Variants in DPP6 observed in about 807,000 individuals in gnomAD.
DPP6 encodes the protein A-type potassium channel modulatory protein DPP6.
A neutral mutation model predicts 122.6 loss-of-function variants in DPP6; 69 were observed. That is an observed-to-expected ratio of 0.56 (90% confidence interval 0.46 to 0.69). DPP6 has a LOEUF of 0.69. Ranked by LOEUF, DPP6 falls within the 30% of genes least tolerant of loss-of-function variation. DPP6 has a pLI of 0.00. For synonymous variants in DPP6, 418 were observed against 433.1 expected, an observed-to-expected ratio of 0.97 and a Z score of 0.43; for missense variants, 928 against 1,116.9, an observed-to-expected ratio of 0.83 and a Z score of 2.41.
intron 1 of DPP6, among the ~76,000 whole-genome samples, chr7:154,206,805 G>A (rs2150798539): frequency 6.6e-6 from 1 of 152,308 alleles, no homozygotes; most frequent in African/African-American, 2.4e-5. Flanking sequence ...AGATGACATG[G>A]AATTGTTCAC....
intron 1 of DPP6, among the ~76,000 whole-genome samples, chr7:154,031,704 G>T (rs919819833): frequency 6.6e-6 from 1 of 151,966 alleles, no homozygotes; most frequent in African/African-American, 2.4e-5. Context: ...CTAAAGGAAC[G>T]AGCTTTAGAG....
At chr7:154,232,836 A>G (rs1800993921) in intron 1 of DPP6, among the ~76,000 whole-genome samples, 1 of 152,208 alleles carries the variant, frequency 6.6e-6, no homozygotes, top group South Asian at 2.1e-4. Context: ...TCAGCAGAAA[A>G]CAGCTGAGAT....
chr7:154,149,099 C>T (rs570255841), intron 1 of DPP6, among the ~76,000 whole-genome samples: 7 of 152,322 alleles, frequency 4.6e-5, no homozygotes, highest in South Asian at 2.1e-4. Context: ...TTCATCCCTC[C>T]GATGGCCATT....
intron 3 of DPP6, among the ~76,000 whole-genome samples, chr7:154,476,717 C>A (rs1221246711): frequency 6.6e-6 from 1 of 152,180 alleles, no homozygotes; most frequent in African/African-American, 2.4e-5. Context: ...TCTTGCTAAA[C>A]CCTGGTTGGG....
chr7:154,886,869 C>G (rs944857759), intron 22 of DPP6, among the ~76,000 whole-genome samples: 1 of 152,226 alleles, frequency 6.6e-6, no homozygotes, highest in African/African-American at 2.4e-5. Context: ...ACCTTCACAG[C>G]GGGCTCACTC....
At chr7:154,563,479 T>TAGAA (rs1563859972) in intron 4 of DPP6, among the ~76,000 whole-genome samples, 2 of 152,262 alleles carry the variant, frequency 1.3e-5, no homozygotes, top group East Asian at 3.9e-4. Flanking sequence ...GGAAAGCAGG[T>TAGAA]AGAAGGCCAC....
intron 1 of DPP6, among the ~76,000 whole-genome samples, chr7:154,436,606 T>G (rs1818889379): frequency 6.6e-6 from 1 of 152,162 alleles, no homozygotes; most frequent in African/African-American, 2.4e-5. Context: ...CCATTGCTAT[T>G]GTGAAATATT....
chr7:154,233,654 A>G (rs1369948349), intron 1 of DPP6, among the ~76,000 whole-genome samples: 1 of 152,170 alleles, frequency 6.6e-6, no homozygotes, highest in Non-Finnish European at 1.5e-5. Context: ...TTACCAGCAA[A>G]CCCACCAAAA....
chr7:154,566,986 C>T, intron 5 of DPP6, 70 bp downstream of exon 5: 1 of 1,107,352 alleles, frequency 9.0e-7, no homozygotes, highest in Non-Finnish European at 1.3e-6. Flanking sequence ...AGTATATTTC[C>T]TTGACTCTTC....
At chr7:154,186,917 A>G (rs1044643051) in intron 1 of DPP6, among the ~76,000 whole-genome samples, 1 of 152,242 alleles carries the variant, frequency 6.6e-6, no homozygotes, top group South Asian at 2.1e-4. Context: ...AGGAGTGGCT[A>G]TGCGGCATTG....
intron 11 of DPP6, among the ~76,000 whole-genome samples, chr7:154,794,594 C>G (rs889832779): frequency 1.3e-5 from 2 of 152,236 alleles, no homozygotes; most frequent in Non-Finnish European, 2.9e-5. Context: ...ACAGCCTCCC[C>G]CAGCGGGCTC....
At chr7:154,608,552 G>A (rs1248947995) in intron 5 of DPP6, among the ~76,000 whole-genome samples, 2 of 148,144 alleles carry the variant, frequency 1.4e-5, no homozygotes, top group Non-Finnish European at 3.0e-5. Context: ...GGCCAGGCTG[G>A]TCTTGAACTC....
At chr7:154,669,122 C>A (rs910686789) in intron 6 of DPP6, among the ~76,000 whole-genome samples, 33 of 152,136 alleles carry the variant, frequency 2.2e-4, no homozygotes, top group African/African-American at 5.8e-4. Context: ...TGAGTATTTA[C>A]TATTTGGGTT....
At chr7:154,118,695 G>A (rs1807185792) in intron 1 of DPP6, among the ~76,000 whole-genome samples, 1 of 147,794 alleles carries the variant, frequency 6.8e-6, no homozygotes, top group African/African-American at 2.5e-5. Context: ...TCACGTATGG[G>A]ATATAGGAGA....
intron 2 of DPP6, among the ~76,000 whole-genome samples, chr7:154,462,219 T>C (rs1821358836): frequency 6.6e-6 from 1 of 152,212 alleles, no homozygotes; most frequent in South Asian, 2.1e-4. Context: ...CATTGCTCTA[T>C]GTGTCTGTTT....
At chr7:154,122,239 C>G (rs1242951323) in intron 1 of DPP6, among the ~76,000 whole-genome samples, 5 of 152,112 alleles carry the variant, frequency 3.3e-5, no homozygotes, top group African/African-American at 9.7e-5. Context: ...CACATCATCC[C>G]CTGTGCATTT....
chr7:154,364,495 G>T (rs1811989551), intron 1 of DPP6, among the ~76,000 whole-genome samples: 1 of 152,126 alleles, frequency 6.6e-6, no homozygotes, highest in African/African-American at 2.4e-5. Context: ...ACTGCTTGAC[G>T]CCTGCCAGGC....
chr7:154,699,342 G>A (rs1840388937), intron 7 of DPP6, among the ~76,000 whole-genome samples: 1 of 152,194 alleles, frequency 6.6e-6, no homozygotes, highest in Non-Finnish European at 1.5e-5. Flanking sequence ...TTTGCAGTCA[G>A]AGGGTGACTT....
intron 3 of DPP6, among the ~76,000 whole-genome samples, chr7:154,520,870 G>A (rs10952491): frequency 0.43 from 65,940 of 151,960 alleles, 14,586 homozygotes; most frequent in Middle Eastern, 0.47. Context: ...AAAATTATCA[G>A]TAACGCAAAA....
Sources: gnomAD v4.1 joint callset for allele counts (sites outside exome capture counted in the v4.1 genomes callset) on GRCh38, gnomAD v4.1.1 for gene constraint, MANE v1.5 for transcripts, NCBI Gene and HGNC (gene_info 2026-07-23, HGNC 2026-07-21) for gene names.